The following CSMD1 variants were observed in gnomAD, a reference collection of about 807,000 sequenced individuals.
CSMD1 encodes CUB and sushi domain-containing protein 1.
A neutral mutation model predicts 417.5 loss-of-function variants in CSMD1; 213 were observed. The observed-to-expected ratio is 0.51, with a 90% CI of 0.46 to 0.57. The LOEUF is 0.57. Among genes scored for constraint, CSMD1 ranks in the 20% least tolerant of loss-of-function variants. CSMD1 has a pLI of 0.00. For missense variants in CSMD1, 6,923 were observed against 4,529.7 expected (o/e 1.53, Z -15.17); for synonymous variants, 2,862 against 1,736.8 (o/e 1.65, Z -16.11).
intron 2 of CSMD1, among the ~76,000 whole-genome samples, chr8:4,631,304 G>C (rs1307141352): frequency 6.6e-6 from 1 of 152,090 alleles, no homozygotes; most frequent in African/African-American, 2.4e-5. Context: ...AGAGGTTGCA[G>C]TGAGCTGAGA....
intron 1 of CSMD1, among the ~76,000 whole-genome samples, chr8:4,810,846 G>C (rs1798857213): frequency 6.6e-6 from 1 of 152,136 alleles, no homozygotes; most frequent in East Asian, 1.9e-4. Context: ...TTAGTTCAAA[G>C]AGATCAAATG....
At chr8:4,854,607 G>A (rs1019274104) in intron 1 of CSMD1, among the ~76,000 whole-genome samples, 1 of 151,356 alleles carries the variant, frequency 6.6e-6, no homozygotes, top group Non-Finnish European at 1.5e-5. Flanking sequence ...TTGGGAAGCG[G>A]AAGGGGTCAG....
intron 1 of CSMD1, among the ~76,000 whole-genome samples, chr8:4,846,196 G>A (rs1333076073): frequency 1.3e-5 from 2 of 152,136 alleles, no homozygotes; most frequent in Non-Finnish European, 2.9e-5. Flanking sequence ...ACCAACACAT[G>A]TCCAGGATCT....
At chr8:3,722,287 G>C (rs981858256) in intron 6 of CSMD1, among the ~76,000 whole-genome samples, 1 of 152,110 alleles carries the variant, frequency 6.6e-6, no homozygotes, top group African/African-American at 2.4e-5. Flanking sequence ...CAGCCTGGGC[G>C]ACAGAGTGAG....
intron 1 of CSMD1, among the ~76,000 whole-genome samples, chr8:4,761,569 G>A (rs1254147573): frequency 1.3e-5 from 2 of 151,950 alleles, no homozygotes; most frequent in Non-Finnish European, 2.9e-5. Context: ...AATTCCTTAT[G>A]TTAACATAGC....
At chr8:3,709,125 G>T (rs1801346274) in intron 6 of CSMD1, among the ~76,000 whole-genome samples, 1 of 149,876 alleles carries the variant, frequency 6.7e-6, no homozygotes, top group Admixed American at 6.8e-5. Flanking sequence ...ATGTACTACG[G>T]CCTGCATTAA....
intron 26 of CSMD1, among the ~76,000 whole-genome samples, chr8:3,276,257 C>G (rs1017305566): frequency 2.6e-5 from 4 of 152,144 alleles, no homozygotes; most frequent in Admixed American, 6.6e-5. Context: ...CAGGGACCCA[C>G]TTGAGGAGGC....
intron 3 of CSMD1, among the ~76,000 whole-genome samples, chr8:4,108,002 G>A (rs996180758): frequency 1.3e-5 from 2 of 151,502 alleles, no homozygotes; most frequent in African/African-American, 4.9e-5. Flanking sequence ...AGAAAGTAAG[G>A]GAAAGACAGA....
At chr8:3,816,605 A>T (rs1476587860) in intron 5 of CSMD1, among the ~76,000 whole-genome samples, 2 of 152,226 alleles carry the variant, frequency 1.3e-5, no homozygotes, top group Non-Finnish European at 2.9e-5. Flanking sequence ...TGCAGTTCAC[A>T]ATAATGTACC....
intron 3 of CSMD1, among the ~76,000 whole-genome samples, chr8:4,120,258 A>G (rs13272089): frequency 0.99 from 150,657 of 152,294 alleles, 74,544 homozygotes; most frequent in East Asian, 1. Context: ...CATAAAAAGG[A>G]TTTGGGGTAA....
Position 2,978,714 on chromosome 8 carries a change from T to A in CSMD1, c.8464A>T (p.Ser2822Cys), listed in dbSNP as rs768064922. The change falls in exon 55 of 70, where the codon AGT becomes TGT. Residue 2822 changes from serine (S) to cysteine (C), a missense_variant. Physicochemically the swap from Ser to Cys is moderately radical, Grantham distance 112 (BLOSUM62 -1). Transcript: ENST00000635120. ...NFPESFEYGM[S>C]ILYHCKKGFY... is the part of the protein sequence containing the mutation. ...CCCTTCTTGCAATGGTACAGGATAC[T>A]CATTCCATACTCAAAACTCTCAGGG... 2.5e-6 allele frequency: 4 copies of A among 1,613,140 alleles called. No homozygotes were observed. Among genetic ancestry groups the A allele is most frequent in the Non-Finnish European group, 3.4e-6 (4 of 1,179,576 alleles).
intron 47 of CSMD1, among the ~76,000 whole-genome samples, chr8:3,093,644 G>A (rs2129009302): frequency 6.6e-6 from 1 of 152,054 alleles, no homozygotes; most frequent in South Asian, 2.1e-4. Context: ...CTCCAGCCTG[G>A]GCAACAAGAG....
intron 1 of CSMD1, among the ~76,000 whole-genome samples, chr8:4,649,259 G>C (rs545611669): frequency 6.6e-6 from 1 of 152,326 alleles, no homozygotes; most frequent in East Asian, 1.9e-4. Context: ...GTCTATGGAA[G>C]CAAGGGAGCT....
At chr8:4,536,952 G>A (rs78599727) in intron 2 of CSMD1, among the ~76,000 whole-genome samples, 7,391 of 152,242 alleles carry the variant, frequency 0.049, 309 homozygotes, top group African/African-American at 0.11. Flanking sequence ...TTGGAAAAAT[G>A]AGAAATGGCA....
chr8:4,708,165 G>C (rs1046370450), intron 1 of CSMD1, among the ~76,000 whole-genome samples: 10 of 152,016 alleles, frequency 6.6e-5, no homozygotes, highest in Admixed American at 3.3e-4. Context: ...ATGTCGACCA[G>C]GCTGGTCTGA....
At chr8:3,548,413 C>A (rs1347785836) in intron 10 of CSMD1, among the ~76,000 whole-genome samples, 1 of 152,048 alleles carries the variant, frequency 6.6e-6, no homozygotes, top group Non-Finnish European at 1.5e-5. Context: ...GTATACACTG[C>A]ACCCAGTTTG....
chr8:4,366,615 A>G (rs1365500276), intron 3 of CSMD1, among the ~76,000 whole-genome samples: 2 of 152,024 alleles, frequency 1.3e-5, no homozygotes, highest in Non-Finnish European at 2.9e-5. Context: ...TTTTATTAAC[A>G]GCAATTTTGA....
At chr8:3,879,151 A>G (rs34715424) in intron 5 of CSMD1, among the ~76,000 whole-genome samples, 9,201 of 152,232 alleles carry the variant, frequency 0.06, 356 homozygotes, top group South Asian at 0.15. Context: ...TATTAGTACT[A>G]TCAAAGCCTG....
chr8:3,825,744 G>A (rs1299417706), intron 5 of CSMD1, among the ~76,000 whole-genome samples: 1 of 152,168 alleles, frequency 6.6e-6, no homozygotes, highest in Non-Finnish European at 1.5e-5. Flanking sequence ...ACAAGGAGGC[G>A]ATTGGGGCCA....
Sources: gnomAD v4.1 joint callset for allele counts (sites outside exome capture counted in the v4.1 genomes callset) on GRCh38, gnomAD v4.1.1 for gene constraint, MANE v1.5 for transcripts, NCBI Gene and HGNC (gene_info 2026-07-23, HGNC 2026-07-21) for gene names.